The following EYS variants were observed in gnomAD, a reference collection of about 807,000 sequenced individuals.
The protein encoded by EYS is protein eyes shut homolog.
In EYS, 250 loss-of-function variants were observed where a neutral mutation model predicts 282.1. That is an observed-to-expected ratio of 0.89 (90% confidence interval 0.80 to 0.98). EYS has a LOEUF of 0.98. EYS is among the 50% of genes least tolerant of loss of function. The pLI is 0.00. For synonymous variants in EYS, 1,355 were observed against 1,282.9 expected (o/e 1.06, Z -1.20); for missense variants, 4,016 against 3,709.0 (o/e 1.08, Z -2.15).
At chr6:64,954,102 T>G (rs528395719) in intron 14 of EYS, among the ~76,000 whole-genome samples, 459 of 152,144 alleles carry the variant, frequency 3.0e-3, no homozygotes, top group Non-Finnish European at 5.0e-3. Flanking sequence ...ATTTCCTATA[T>G]CTAGTAAATC....
At chr6:64,434,272 T>C (rs1253335177) in intron 28 of EYS, among the ~76,000 whole-genome samples, 2 of 152,060 alleles carry the variant, frequency 1.3e-5, no homozygotes, top group Non-Finnish European at 2.9e-5. Flanking sequence ...ATTGCAATTG[T>C]GAGATTAAAT....
At chr6:63,850,377 A>G (rs1381428344) in intron 36 of EYS, among the ~76,000 whole-genome samples, 2 of 152,200 alleles carry the variant, frequency 1.3e-5, no homozygotes, top group Admixed American at 6.5e-5. Context: ...TATAATCATC[A>G]GATTCACCAA....
chr6:64,907,997 G>A (rs1366567964), intron 16 of EYS, among the ~76,000 whole-genome samples: 1 of 152,142 alleles, frequency 6.6e-6, no homozygotes, highest in Non-Finnish European at 1.5e-5. Context: ...ATATGCTGGA[G>A]ACTCTCTTAT....
Position 65,136,555 on chromosome 6 carries a change from CTAACA to C in EYS, c.2024-78833_2024-78829del, listed in dbSNP as rs895024714. 1.6e-4 allele frequency among the ~76,000 whole-genome samples: 25 copies of C among 152,098 alleles called. No homozygotes were observed. In the East Asian group the frequency reaches 1.9e-3, roughly 12 times the overall value. On this transcript the variant is annotated intron_variant, in intron 12 of 42. Coordinates refer to ENST00000503581, the MANE Select transcript of EYS (RefSeq NM_001142800.2). ...CAGATCTTAGGTGATAGACTATTTA[CTAACA>C]TAACAATTAAAAACAAATTACAAAC...
At chr6:64,806,245 A>G (rs1397853874) in intron 22 of EYS, among the ~76,000 whole-genome samples, 1 of 151,786 alleles carries the variant, frequency 6.6e-6, no homozygotes, top group Non-Finnish European at 1.5e-5. Flanking sequence ...TGTAAAACTA[A>G]TTAACTTAAA....
At chr6:65,100,823 T>A (rs1010615683) in intron 12 of EYS, among the ~76,000 whole-genome samples, 3 of 150,536 alleles carry the variant, frequency 2.0e-5, no homozygotes, top group Non-Finnish European at 4.5e-5. Flanking sequence ...AATCTTAAGA[T>A]ACATGAAAGC....
At chr6:65,619,843 T>G (rs1766397538) in intron 2 of EYS, among the ~76,000 whole-genome samples, 1 of 150,864 alleles carries the variant, frequency 6.6e-6, no homozygotes, top group African/African-American at 2.4e-5. Flanking sequence ...TCTGTTTATA[T>G]GCTGGATTAC....
At chr6:64,111,842 A>C in intron 31 of EYS, among the ~76,000 whole-genome samples, 1 of 152,048 alleles carries the variant, frequency 6.6e-6, no homozygotes, top group East Asian at 1.9e-4. Flanking sequence ...ATTTAAATAT[A>C]TTAGAAAGAA....
At chr6:65,276,018 A>G (rs1294514931) in intron 12 of EYS, among the ~76,000 whole-genome samples, 1 of 152,070 alleles carries the variant, frequency 6.6e-6, no homozygotes, top group Non-Finnish European at 1.5e-5. Flanking sequence ...CAAACAAGAA[A>G]ACCTCATTTC....
At chr6:65,371,790 T>A (rs929123868) in intron 8 of EYS, among the ~76,000 whole-genome samples, 2 of 134,698 alleles carry the variant, frequency 1.5e-5, no homozygotes, top group Non-Finnish European at 3.2e-5. Context: ...ATGGGGGAAG[T>A]GGGGACAAGG....
intron 2 of EYS, among the ~76,000 whole-genome samples, chr6:65,568,681 C>T (rs760857137): frequency 2.0e-5 from 3 of 152,082 alleles, no homozygotes; most frequent in Admixed American, 6.5e-5. Flanking sequence ...GCTTTTGTTT[C>T]GAAAGTGGCT....
intron 41 of EYS, among the ~76,000 whole-genome samples, chr6:63,757,345 G>A (rs1463847600): frequency 2.0e-5 from 3 of 151,920 alleles, no homozygotes; most frequent in Non-Finnish European, 4.4e-5. Context: ...ACCCCACCCT[G>A]GTAAATTTGA....
chr6:65,429,333 C>A (rs995884204), intron 5 of EYS, among the ~76,000 whole-genome samples: 2 of 152,124 alleles, frequency 1.3e-5, no homozygotes, highest in Non-Finnish European at 2.9e-5. Context: ...AAGCCGCTTA[C>A]TCTTCCAGCC....
intron 35 of EYS, among the ~76,000 whole-genome samples, chr6:63,872,423 GT>G (rs1341021098): frequency 6.8e-6 from 1 of 146,944 alleles, no homozygotes; most frequent in Middle Eastern, 3.3e-3. Context: ...TTGGAGCACT[GT>G]TTCTCAGCCC....
chr6:63,953,660 C>A (rs1055645432), intron 35 of EYS, among the ~76,000 whole-genome samples: 3 of 152,096 alleles, frequency 2.0e-5, no homozygotes, highest in Admixed American at 2.0e-4. Flanking sequence ...CAAAAGAAAA[C>A]CTAGCTGACC....
chr6:65,438,426 C>T (rs556950669), intron 5 of EYS, among the ~76,000 whole-genome samples: 16 of 152,132 alleles, frequency 1.1e-4, no homozygotes, highest in Non-Finnish European at 2.2e-4. Context: ...CTTGAGGAAT[C>T]GCCATACTGT....
chr6:65,361,485 G>T (rs548910259), intron 8 of EYS, among the ~76,000 whole-genome samples: 1 of 77,302 alleles, frequency 1.3e-5, no homozygotes, highest in Admixed American at 1.3e-4. Context: ...TCGTTCGTTC[G>T]TTCCTTTTTT....
intron 35 of EYS, among the ~76,000 whole-genome samples, chr6:63,927,203 G>A (rs140013624): frequency 7.8e-4 from 119 of 152,262 alleles, no homozygotes; most frequent in African/African-American, 2.8e-3. Context: ...CCATCAAACA[G>A]TTATTTTTAG....
intron 35 of EYS, among the ~76,000 whole-genome samples, chr6:63,930,540 A>G (rs925048560): frequency 1.3e-5 from 2 of 152,172 alleles, no homozygotes; most frequent in African/African-American, 4.8e-5. Context: ...TAAAACAACA[A>G]ATAGATTGAT....
Sources: allele counts gnomAD v4.1 joint callset (sites outside exome capture counted in the v4.1 genomes callset), GRCh38; gene constraint gnomAD v4.1.1; transcripts MANE v1.5; gene names NCBI Gene and HGNC (gene_info 2026-07-23, HGNC 2026-07-21).